The following MAPK6 variants were observed in gnomAD, a reference collection of about 807,000 sequenced individuals.
The protein encoded by MAPK6 is ERK-3.
In MAPK6, 19 loss-of-function variants were observed where a neutral mutation model predicts 59.3. The observed-to-expected ratio is 0.32, with a 90% CI of 0.22 to 0.47. MAPK6 has a LOEUF of 0.47. Ranked by LOEUF, MAPK6 falls within the 20% of genes least tolerant of loss-of-function variation. The pLI, the probability that MAPK6 is intolerant of heterozygous loss-of-function variation, is 1.00. For missense variants in MAPK6, 724 were observed against 847.9 expected, an observed-to-expected ratio of 0.85 and a Z score of 1.81; for synonymous variants, 316 against 290.3, an observed-to-expected ratio of 1.09 and a Z score of -0.90.
At chr15:52,037,865 C>T (rs1343905465) in intron 1 of MAPK6, among the ~76,000 whole-genome samples, 1 of 152,064 alleles carries the variant, frequency 6.6e-6, no homozygotes, top group Non-Finnish European at 1.5e-5. Context: ...TTTAGGGTAC[C>T]TACTAATTAC....
exon 1 of MAPK6, chr15:51,971,898 C>G (rs2057128369): frequency 2.7e-6 from 2 of 733,188 alleles, no homozygotes; most frequent in Non-Finnish European, 4.8e-6. Context: ...TGAACCTGTT[C>G]TCGCCTGGGT....
chr15:52,013,682 G>A (rs574491157), intron 3 of MAPK6, among the ~76,000 whole-genome samples: 129 of 152,168 alleles, frequency 8.5e-4, no homozygotes, highest in Non-Finnish European at 1.5e-3. Flanking sequence ...GTTTGGTTTG[G>A]CTTCTCTGTT....
At chr15:52,061,782 T>C (rs981827330) in intron 5 of MAPK6, among the ~76,000 whole-genome samples, 1 of 152,052 alleles carries the variant, frequency 6.6e-6, no homozygotes, top group Admixed American at 6.6e-5. Context: ...CAAAGAAAAA[T>C]TTAGTAATGG....
At chr15:51,979,295 G>T (rs899265479) in intron 1 of MAPK6, among the ~76,000 whole-genome samples, 9 of 151,618 alleles carry the variant, frequency 5.9e-5, no homozygotes, top group Non-Finnish European at 2.9e-5. Context: ...GAGAAGCTAA[G>T]AAACTTTGCC....
intron 4 of MAPK6, among the ~76,000 whole-genome samples, chr15:52,060,654 G>C (rs1243884077): frequency 1.3e-5 from 2 of 152,136 alleles, no homozygotes; most frequent in East Asian, 3.8e-4. Flanking sequence ...AACTAAGGAA[G>C]GCCTACTAGA....
intron 1 of MAPK6, chr15:52,027,835 C>T (rs1044178755): frequency 1.3e-5 from 2 of 151,464 alleles, no homozygotes; most frequent in Non-Finnish European, 2.9e-5. Context: ...TGCAGTGGCA[C>T]GATCTTGGCT....
chr15:52,028,862 T>TA (rs1219260658), intron 1 of MAPK6, among the ~76,000 whole-genome samples: 2 of 152,262 alleles, frequency 1.3e-5, no homozygotes, highest in Non-Finnish European at 2.9e-5. Flanking sequence ...CCTCCATTCT[T>TA]ACCACTAAAA....
rs548302768 is a variant in MAPK6, at chr15:52,058,928, C to T, written c.865+131C>T. On this transcript the variant is annotated intron_variant, in intron 4 of 5. Coordinates refer to ENST00000261845, the MANE Select transcript of MAPK6 (RefSeq NM_002748.4). ...ATAGTCTTTAGACACTTAAGGTGTA[C>T]GTAAAACTTCAACTCTCATTTTCCC... The T allele has an allele frequency of 9.1e-5, 55 of 607,536 alleles. No individual in the cohort carries two copies. The South Asian group carries it at 1.4e-3, about 15-fold the overall frequency. The allele number at this position is 607,536 out of a possible 1,614,324, so 37.6% of individuals were successfully genotyped here.
Position 52,064,223 on chromosome 15 carries a change from A to C in MAPK6, c.1389A>C (p.Glu463Asp), listed in dbSNP as rs1273182871. 3.7e-6 allele frequency: 6 copies of C among 1,611,496 alleles called. No individual in the cohort carries two copies. Among genetic ancestry groups the C allele is most frequent in the Non-Finnish European group, 4.2e-6 (5 of 1,179,442 alleles). ...YLDNLVWRES[E>D]VNHYYEPKLI... ...ATAACTTAGTTTGGAGAGAGAGTGA[A>C]GTTAACCATTACTATGAACCCAAGC... is the stretch of plus-strand genomic sequence containing the variant. Residue 463 changes from glutamate (E) to aspartate (D), a missense_variant, in exon 6 of 6, where the codon GAA becomes GAC. This residue lies in a region of MAPK6 where 502 missense variants were observed against 507.6 expected (regional missense o/e 0.99). Coordinates refer to ENST00000261845, the MANE Select transcript of MAPK6 (RefSeq NM_002748.4).
chr15:51,996,898 G>A (rs1309294384), intron 2 of MAPK6, among the ~76,000 whole-genome samples: 1 of 152,016 alleles, frequency 6.6e-6, no homozygotes, highest in East Asian at 1.9e-4. Context: ...TCTCCCTATG[G>A]TCTGGAACTC....
intron 1 of MAPK6, among the ~76,000 whole-genome samples, chr15:52,042,522 T>G (rs1256594540): frequency 6.6e-6 from 1 of 151,780 alleles, no homozygotes; most frequent in Non-Finnish European, 1.5e-5. Context: ...TTTGTGAGGC[T>G]TGGTCTCAAT....
intron 1 of MAPK6, among the ~76,000 whole-genome samples, chr15:52,023,013 A>G (rs969889164): frequency 7.3e-6 from 1 of 137,612 alleles, no homozygotes; most frequent in Non-Finnish European, 1.5e-5. Flanking sequence ...AGGCTGAGGC[A>G]GGAGAATCGC....
At position 52,066,792 on chromosome 15, in the gene MAPK6, G is replaced by GTGTGTGTA. The variant is rs1043704165; in HGVS notation, c.*1793_*1794insGTGTGTAT. 33 of 144,058 alleles carry GTGTGTGTA rather than the reference G, an allele frequency of 2.3e-4. No homozygotes were observed. Among genetic ancestry groups the GTGTGTGTA allele is most frequent in the South Asian group, 6.8e-4 (3 of 4,428 alleles). 8.9% of individuals were successfully genotyped at this position (144,058 alleles called of 1,614,324 possible). ...TGTGTGTGTGTGTGTGTGTGTGTGT[G>GTGTGTGTA]TATATATATTCATTTATTTATTTTC... On this transcript the variant is annotated 3_prime_UTR_variant, in exon 6 of 6. Coordinates refer to ENST00000261845, the MANE Select transcript of MAPK6 (RefSeq NM_002748.4).
intron 1 of MAPK6, among the ~76,000 whole-genome samples, chr15:52,024,026 G>A (rs113874336): frequency 2.0e-5 from 3 of 152,202 alleles, no homozygotes; most frequent in East Asian, 1.9e-4. Flanking sequence ...ATTGATTTTC[G>A]TTAAATTTGG....
At chr15:52,018,565 C>T (rs1320705148), upstream of MAPK6, 1 of 152,236 alleles carries the variant, frequency 6.6e-6, no homozygotes, top group Non-Finnish European at 1.5e-5. Flanking sequence ...CAAGTGGGCC[C>T]AAGAAGGCAC....
chr15:52,045,524 A>G (rs2031568878), intron 1 of MAPK6, among the ~76,000 whole-genome samples: 1 of 152,190 alleles, frequency 6.6e-6, no homozygotes, highest in Non-Finnish European at 1.5e-5. Context: ...ACAAAACTCA[A>G]GTTCTATAAA....
At chr15:51,985,681 A>T (rs138038018) in intron 2 of MAPK6, among the ~76,000 whole-genome samples, 2,727 of 151,952 alleles carry the variant, frequency 0.018, 31 homozygotes, top group African/African-American at 0.038. Context: ...AAACCCGGCC[A>T]GGCGCAGTGG....
rs2031722720 is a variant in MAPK6 at position 52,049,908 on chromosome 15, T to C, written c.556-85T>C. 12 of 1,287,138 alleles carry C rather than the reference T, an allele frequency of 9.3e-6. No homozygotes were observed. In the South Asian group the frequency reaches 9.8e-5, roughly 11 times the overall value. 79.7% of individuals were successfully genotyped at this position (1,287,138 alleles called of 1,614,324 possible). ...GATTACAGGCATGAGCCACCACGCC[T>C]GGCAAATTAAGGATTCTTTAATCAA... On this transcript the variant is annotated intron_variant, in intron 2 of 5. Coordinates refer to ENST00000261845, the MANE Select transcript of MAPK6 (RefSeq NM_002748.4).
Position 52,061,421 on chromosome 15 carries a change from C to A in MAPK6, c.988C>A (p.His330Asn). The change falls in exon 5 of 6, where the codon CAT becomes AAT. Residue 330 changes from histidine (H) to asparagine (N), a missense_variant. Transcript: ENST00000261845. ...SFPMDEPISS[H>N]PFHIEDEVDD... ...TCCAATGGATGAGCCAATTTCAAGC[C>A]ATCCTTTTCATATTGAAGATGAAGT... is the stretch of plus-strand genomic sequence containing the variant. 1.2e-6 allele frequency: 2 copies of A among 1,613,884 alleles called. No individual in the cohort carries two copies. The highest frequency in any genetic ancestry group is 1.7e-6 in the Non-Finnish European group (2 of 1,179,822).
Sources: allele counts gnomAD v4.1 joint callset (sites outside exome capture counted in the v4.1 genomes callset), GRCh38; gene constraint gnomAD v4.1.1; regional missense constraint gnomAD v4.1.1; transcripts MANE v1.5; gene names NCBI Gene and HGNC (gene_info 2026-07-23, HGNC 2026-07-21).